PRKCB: variants seen among roughly 807,000 people sequenced by gnomAD.
The protein encoded by PRKCB is protein kinase C beta type.
A neutral mutation model predicts 81.5 loss-of-function variants in PRKCB; 13 were observed. That is an observed-to-expected ratio of 0.16 (90% CI 0.10 to 0.25). The LOEUF is 0.25. Ranked by LOEUF, PRKCB falls within the 10% of genes least tolerant of loss-of-function variation. The pLI, the probability that PRKCB is intolerant of heterozygous loss-of-function variation, is 1.00. For missense variants in PRKCB, 509 were observed against 875.7 expected, an observed-to-expected ratio of 0.58 and a Z score of 5.29; for synonymous variants, 335 against 321.4, an observed-to-expected ratio of 1.04 and a Z score of -0.45.
chr16:23,864,214 C>T (rs902685002), intron 2 of PRKCB, among the ~76,000 whole-genome samples: 1 of 152,196 alleles, frequency 6.6e-6, no homozygotes, highest in African/African-American at 2.4e-5. Flanking sequence ...ACCATCTCTG[C>T]TCAGTGAGCT....
intron 5 of PRKCB, among the ~76,000 whole-genome samples, chr16:24,044,282 C>T: frequency 6.6e-6 from 1 of 152,094 alleles, no homozygotes; most frequent in Non-Finnish European, 1.5e-5. Context: ...TCACTTGAAC[C>T]CTGCAGGTGG....
chr16:23,969,622 C>T (rs1162733205), intron 2 of PRKCB, among the ~76,000 whole-genome samples: 1 of 152,170 alleles, frequency 6.6e-6, no homozygotes, highest in East Asian at 1.9e-4. Flanking sequence ...CAGTGTCTAA[C>T]ACATAGTAGA....
intron 2 of PRKCB, among the ~76,000 whole-genome samples, chr16:23,985,804 C>T (rs1189606864): frequency 6.6e-6 from 1 of 152,012 alleles, no homozygotes; most frequent in Non-Finnish European, 1.5e-5. Flanking sequence ...GTGGACTTGC[C>T]CTGCCAAGAT....
At chr16:24,009,814 A>T (rs1403741314) in intron 3 of PRKCB, among the ~76,000 whole-genome samples, 1 of 151,942 alleles carries the variant, frequency 6.6e-6, no homozygotes, top group African/African-American at 2.4e-5. Flanking sequence ...CAGGAGTTTG[A>T]GACCAGCCTG....
chr16:24,155,262 C>T (rs987723466), intron 10 of PRKCB, among the ~76,000 whole-genome samples: 7 of 152,146 alleles, frequency 4.6e-5, no homozygotes, highest in Non-Finnish European at 8.8e-5. Flanking sequence ...GCATGGGCCT[C>T]ATTGGAGGGA....
rs1567372907 is a variant in PRKCB, at chr16:24,096,669, ATATATATAT to A, written c.821+2373_821+2381del. 1.5e-3 allele frequency among the ~76,000 whole-genome samples: 30 copies of A among 20,434 alleles called. 2 individuals are homozygous for A. Among genetic ancestry groups the A allele is most frequent in the African/African-American group, 2.8e-3 (21 of 7,390 alleles). The allele number at this position is 20,434 out of a possible 152,430, so 13.4% of individuals were successfully genotyped here. ...TCCTATGGCAAAAAAAAAAAAAAAT[ATATATATAT>A]ATATATATATATATATATATATATA... On this transcript the variant is annotated intron_variant, in intron 7 of 16. Transcript: ENST00000643927.
chr16:23,848,754 T>G (rs1161024665), intron 2 of PRKCB, among the ~76,000 whole-genome samples: 2 of 152,202 alleles, frequency 1.3e-5, no homozygotes, highest in African/African-American at 4.8e-5. Context: ...CTTAACCTCT[T>G]CGAGCTTCTG....
At chr16:24,144,619 C>A (rs886903001) in intron 9 of PRKCB, among the ~76,000 whole-genome samples, 1 of 152,194 alleles carries the variant, frequency 6.6e-6, no homozygotes, top group Non-Finnish European at 1.5e-5. Flanking sequence ...CATTTTTAAC[C>A]ACCTGTGTTG....
intron 5 of PRKCB, among the ~76,000 whole-genome samples, chr16:24,051,454 T>A (rs1403539392): frequency 6.6e-6 from 1 of 151,938 alleles, no homozygotes; most frequent in African/African-American, 2.4e-5. Flanking sequence ...GGGCTTTGGA[T>A]TGGTTGGTTT....
chr16:24,056,403 T>C (rs1965902806), intron 5 of PRKCB, among the ~76,000 whole-genome samples: 1 of 152,214 alleles, frequency 6.6e-6, no homozygotes, highest in Non-Finnish European at 1.5e-5. Flanking sequence ...CCAGCGTTCT[T>C]GAATAGGGGC....
At chr16:24,174,733 C>A in intron 12 of PRKCB, 153 bp downstream of exon 12, 1 of 680,860 alleles carries the variant, frequency 1.5e-6, no homozygotes, top group Non-Finnish European at 2.5e-6. Flanking sequence ...GGCAGCATCG[C>A]CCACTGCCCT....
At chr16:23,846,874 A>C (rs1962378550) in intron 2 of PRKCB, among the ~76,000 whole-genome samples, 1 of 152,088 alleles carries the variant, frequency 6.6e-6, no homozygotes, top group Non-Finnish European at 1.5e-5. Context: ...GCTTTTATTC[A>C]GAAGTGCTAA....
intron 3 of PRKCB, among the ~76,000 whole-genome samples, chr16:24,001,112 C>G (rs1965028923): frequency 6.6e-6 from 1 of 152,054 alleles, no homozygotes; most frequent in South Asian, 2.1e-4. Flanking sequence ...GGAGGAGCCT[C>G]TCCTGCTCTA....
intron 10 of PRKCB, among the ~76,000 whole-genome samples, chr16:24,162,886 A>G (rs1967283021): frequency 6.6e-6 from 1 of 152,064 alleles, no homozygotes; most frequent in Non-Finnish European, 1.5e-5. Context: ...TTTTATTGGA[A>G]AGAAACCACC....
At chr16:24,166,070 A>G (rs1184403954) in intron 10 of PRKCB, among the ~76,000 whole-genome samples, 1 of 151,742 alleles carries the variant, frequency 6.6e-6, no homozygotes, top group African/African-American at 2.4e-5. Flanking sequence ...TATTTTTAGT[A>G]GAGATAGGGT....
chr16:23,882,292 C>T (rs1275970329), intron 2 of PRKCB, among the ~76,000 whole-genome samples: 2 of 151,950 alleles, frequency 1.3e-5, no homozygotes, highest in Non-Finnish European at 2.9e-5. Flanking sequence ...CTATGTTGCC[C>T]AGGGTTGTCT....
chr16:23,886,132 T>A (rs902630314), intron 2 of PRKCB, among the ~76,000 whole-genome samples: 1 of 152,196 alleles, frequency 6.6e-6, no homozygotes. Flanking sequence ...AGAGCTGAGA[T>A]CCAAATCTAA....
intron 2 of PRKCB, among the ~76,000 whole-genome samples, chr16:23,860,464 G>A (rs1962647582): frequency 6.6e-6 from 1 of 152,164 alleles, no homozygotes; most frequent in Non-Finnish European, 1.5e-5. Context: ...AGGGATAGAG[G>A]TAAATGTTTG....
Position 24,219,276 on chromosome 16 carries a change from A to G in PRKCB, c.*4460A>G, listed in dbSNP as rs1350336453. On this transcript the variant is annotated 3_prime_UTR_variant, in exon 17 of 17. Transcript: ENST00000643927. ...TTTTGTTTTGTTTTGTTTTGTTTTA[A>G]GGCTCCCCTTACACACCCTCCTTTA... 1 of 932,108 alleles carries G rather than the reference A, an allele frequency of 1.1e-6. No individual in the cohort carries two copies. Among genetic ancestry groups the G allele is most frequent in the Non-Finnish European group, 1.2e-6 (1 of 813,256 alleles). 57.7% of individuals were successfully genotyped at this position (932,108 alleles called of 1,614,324 possible).
Sources: gnomAD v4.1 joint callset for allele counts (sites outside exome capture counted in the v4.1 genomes callset) on GRCh38, gnomAD v4.1.1 for gene constraint, MANE v1.5 for transcripts, NCBI Gene and HGNC (gene_info 2026-07-23, HGNC 2026-07-21) for gene names.